MBNL2: variants seen among roughly 807,000 people sequenced by gnomAD.
The protein encoded by MBNL2 is muscleblind-like protein 2.
A neutral mutation model predicts 41.9 loss-of-function variants in MBNL2; 17 were observed. The ratio of observed to expected loss-of-function variants is 0.41; its 90% CI spans 0.28 to 0.61. The LOEUF is 0.61. MBNL2 is among the 20% of genes least tolerant of loss of function. MBNL2 has a pLI of 0.35. For missense variants in MBNL2, 336 were observed against 505.6 expected (o/e 0.66, Z 3.22); for synonymous variants, 195 against 182.9 (o/e 1.07, Z -0.53).
intron 1 of MBNL2, among the ~76,000 whole-genome samples, chr13:97,257,410 T>TA (rs1004596760): frequency 6.6e-5 from 10 of 152,138 alleles, no homozygotes; most frequent in East Asian, 1.9e-4. Flanking sequence ...GTATGCCTCT[T>TA]AAAAAACACT....
intron 2 of MBNL2, among the ~76,000 whole-genome samples, chr13:97,320,755 A>C (rs1158409427): frequency 6.6e-6 from 1 of 151,940 alleles, no homozygotes; most frequent in Non-Finnish European, 1.5e-5. Flanking sequence ...CTCTATTAAA[A>C]ATACAAAAAA....
At chr13:97,305,968 A>G (rs183077003) in intron 2 of MBNL2, among the ~76,000 whole-genome samples, 73 of 152,336 alleles carry the variant, frequency 4.8e-4, no homozygotes, top group Admixed American at 1.6e-3. Context: ...GTTAATTCCA[A>G]CAGATTCCGG....
chr13:97,361,208 A>C (rs577399295), intron 7 of MBNL2, among the ~76,000 whole-genome samples: 54 of 152,344 alleles, frequency 3.5e-4, no homozygotes, highest in Non-Finnish European at 7.3e-4. Context: ...CAGCATGTGC[A>C]CCAGGTGGTG....
Position 97,268,188 on chromosome 13 carries a change from G to A in MBNL2, c.-604-7444G>A, listed in dbSNP as rs928448703. Among the ~76,000 whole-genome samples, 2 of 152,150 alleles carry A rather than the reference G, an allele frequency of 1.3e-5. No individual in the cohort carries two copies. The highest frequency in any genetic ancestry group is 4.1e-4 in the South Asian group (2 of 4,826). On this transcript the variant is annotated intron_variant, in intron 1 of 8. Transcript: ENST00000679496. The surrounding 1 kb of genome is among the most constrained non-coding windows in gnomAD (Gnocchi z 4.6). ...TGGCTCACTGCAACCTCTGCCTCCT[G>A]GGTTCAAGTGATTCTCATGTCTCAG...
rs575809743 is a variant in MBNL2 at position 97,279,554 on chromosome 13, C to T, written c.174+3145C>T. Among the ~76,000 whole-genome samples the T allele has an allele frequency of 2.1e-4, 32 of 152,278 alleles. 1 individual carries two copies. In the South Asian group the frequency reaches 6.4e-3, roughly 31 times the overall value. On this transcript the variant is annotated intron_variant, in intron 2 of 8. Transcript: ENST00000679496. ...ACAAGTCCAAACTTTCAAGAATTAACTGTGTGAATGATAGTACCTCAATTA... is the reference window on the plus strand; with the variant it reads ...ACAAGTCCAAACTTTCAAGAATTAATTGTGTGAATGATAGTACCTCAATTA...
chr13:97,249,716 G>A (rs1043108892), intron 1 of MBNL2, among the ~76,000 whole-genome samples: 5 of 152,112 alleles, frequency 3.3e-5, no homozygotes, highest in Non-Finnish European at 2.9e-5. Context: ...TTTAGGAGCC[G>A]CTGAATTTTC....
rs2153064948 is a variant in MBNL2 at position 97,334,061 on chromosome 13, A to T, written c.175-215A>T. ...AATCCTCAGGAAGCTTCTCTACTTA[A>T]CATGTTCTTAAGATTAGCAACCTTG... On this transcript the variant is annotated intron_variant, in intron 2 of 8. Coordinates refer to ENST00000679496, the MANE Select transcript of MBNL2 (RefSeq NM_001382683.1). The surrounding 1 kb of genome is among the most constrained non-coding windows in gnomAD (Gnocchi z 5.3). Among the ~76,000 whole-genome samples the T allele has an allele frequency of 6.6e-6, 1 of 152,140 alleles. No homozygotes were observed. The highest frequency in any genetic ancestry group is 1.9e-4 in the East Asian group (1 of 5,156).
intron 1 of MBNL2, among the ~76,000 whole-genome samples, chr13:97,261,094 A>G (rs1448768125): frequency 1.3e-5 from 2 of 151,810 alleles, no homozygotes; most frequent in African/African-American, 4.8e-5. Context: ...TCTCCTTGAT[A>G]CCTGTGTGCA....
chr13:97,356,267 C>T (rs994173645), intron 5 of MBNL2, among the ~76,000 whole-genome samples: 6 of 152,036 alleles, frequency 3.9e-5, no homozygotes, highest in Admixed American at 2.6e-4. Flanking sequence ...TGTCTCAGTT[C>T]GCCACTTCAT....
the MBNL2 span, among the ~76,000 whole-genome samples, chr13:97,159,492 C>T: frequency 3.3e-5 from 5 of 151,888 alleles, no homozygotes; most frequent in East Asian, 3.9e-4. Flanking sequence ...TTCCTAGTCT[C>T]GATGGTCATT....
intron 2 of MBNL2, among the ~76,000 whole-genome samples, chr13:97,287,639 G>A (rs1344707578): frequency 6.8e-6 from 1 of 147,156 alleles, no homozygotes; most frequent in African/African-American, 2.5e-5. Flanking sequence ...ACAAAACGTT[G>A]TTTTTTATTC....
intron 7 of MBNL2, among the ~76,000 whole-genome samples, chr13:97,362,542 A>G (rs2063496844): frequency 6.6e-6 from 1 of 152,154 alleles, no homozygotes; most frequent in Non-Finnish European, 1.5e-5. Flanking sequence ...TGTTCAGTTC[A>G]AAGAAAAGAA....
At chr13:97,202,329 G>A in the MBNL2 span, among the ~76,000 whole-genome samples, 1 of 152,234 alleles carries the variant, frequency 6.6e-6, no homozygotes, top group South Asian at 2.1e-4. Context: ...AACAAACACT[G>A]CCACTAGAGC....
the MBNL2 span, among the ~76,000 whole-genome samples, chr13:97,156,921 T>C: frequency 1.3e-5 from 2 of 152,094 alleles, no homozygotes; most frequent in Non-Finnish European, 2.9e-5. Flanking sequence ...TTTTTTCCAA[T>C]TCTGTGAAGA....
chr13:97,229,002 A>G (rs1049952859), intron 1 of MBNL2, among the ~76,000 whole-genome samples: 5 of 151,718 alleles, frequency 3.3e-5, no homozygotes, highest in Admixed American at 2.0e-4. Flanking sequence ...AAATGAAATT[A>G]AACTTCAGTC....
intron 2 of MBNL2, among the ~76,000 whole-genome samples, chr13:97,299,189 GT>G (rs914472824): frequency 2.6e-5 from 4 of 152,038 alleles, no homozygotes; most frequent in African/African-American, 9.6e-5. Flanking sequence ...CACTTTTCTA[GT>G]TTTTTTTAAC....
chr13:97,147,925 C>T, the MBNL2 span, among the ~76,000 whole-genome samples: 27 of 152,136 alleles, frequency 1.8e-4, no homozygotes, highest in East Asian at 3.9e-4. Flanking sequence ...AAGAGGAAGG[C>T]GGGGGACGTC....
intron 8 of MBNL2, among the ~76,000 whole-genome samples, chr13:97,376,907 A>AT (rs2065013165): frequency 6.6e-6 from 1 of 152,206 alleles, no homozygotes. Flanking sequence ...ATTCACACAC[A>AT]TAGCAAGAGA....
chr13:97,176,249 T>A, the MBNL2 span, among the ~76,000 whole-genome samples: 1 of 152,206 alleles, frequency 6.6e-6, no homozygotes, highest in Non-Finnish European at 1.5e-5. Context: ...ATAGTACCCC[T>A]GGCATTATAT....
Sources: allele counts gnomAD v4.1 joint callset (sites outside exome capture counted in the v4.1 genomes callset), GRCh38; gene constraint gnomAD v4.1.1; non-coding constraint Gnocchi (gnomAD v3.1); transcripts MANE v1.5; gene names NCBI Gene and HGNC (gene_info 2026-07-23, HGNC 2026-07-21).